The following SNTG1 variants were observed in gnomAD, a reference collection of about 807,000 sequenced individuals.
SNTG1 encodes the protein gamma-1-syntrophin.
In SNTG1, 39 loss-of-function variants were observed where a neutral mutation model predicts 74.7. That is an observed-to-expected ratio of 0.52 (90% confidence interval 0.40 to 0.68). SNTG1 has a LOEUF of 0.68. SNTG1 is among the 30% of genes least tolerant of loss of function. SNTG1 has a pLI of 0.00. For synonymous variants in SNTG1, 254 were observed against 217.1 expected, an observed-to-expected ratio of 1.17 and a Z score of -1.49; for missense variants, 685 against 609.5, an observed-to-expected ratio of 1.12 and a Z score of -1.30.
At chr8:50,691,105 A>T (rs534151793) in intron 15 of SNTG1, among the ~76,000 whole-genome samples, 1 of 152,046 alleles carries the variant, frequency 6.6e-6, no homozygotes, top group Non-Finnish European at 1.5e-5. Context: ...TGCTTGGTAG[A>T]TCTCCCTCCA....
Position 50,792,899 on chromosome 8 carries a change from C to G in SNTG1, c.*70C>G, listed in dbSNP as rs2095695419. 2 of 1,438,494 alleles carry G rather than the reference C, an allele frequency of 1.4e-6. No individual in the cohort carries two copies. Among genetic ancestry groups the G allele is most frequent in the Non-Finnish European group, 9.2e-7 (1 of 1,085,298 alleles). The allele number at this position is 1,438,494 out of a possible 1,614,324, so 89.1% of individuals were successfully genotyped here. ...GACACATTTACTCATCATTTTAGAC[C>G]CTAGAGAAACCATAACATCACCAAG... On this transcript the variant is annotated 3_prime_UTR_variant, in exon 19 of 19. Coordinates refer to ENST00000642720, the MANE Select transcript of SNTG1 (RefSeq NM_018967.5).
intron 2 of SNTG1, among the ~76,000 whole-genome samples, chr8:50,284,807 A>G (rs1338729961): frequency 6.6e-6 from 1 of 152,154 alleles, no homozygotes. Flanking sequence ...ATACTTATTT[A>G]TATCTATCTA....
chr8:50,710,825 A>G (rs1168846117), intron 17 of SNTG1, among the ~76,000 whole-genome samples: 1 of 152,188 alleles, frequency 6.6e-6, no homozygotes, highest in African/African-American at 2.4e-5. Flanking sequence ...TTAGTAGGAA[A>G]TGAGAATTTA....
chr8:50,142,820 C>T (rs1350925395), intron 1 of SNTG1, among the ~76,000 whole-genome samples: 2 of 152,048 alleles, frequency 1.3e-5, no homozygotes, highest in Non-Finnish European at 2.9e-5. Flanking sequence ...ACCTGTAATC[C>T]CAACACTTTG....
intron 2 of SNTG1, among the ~76,000 whole-genome samples, chr8:50,350,381 C>A (rs1429332489): frequency 2.6e-5 from 4 of 152,180 alleles, no homozygotes; most frequent in Non-Finnish European, 5.9e-5. Context: ...CAGCTGGGCT[C>A]CTGAGTCTGG....
intron 4 of SNTG1, among the ~76,000 whole-genome samples, chr8:50,422,499 G>A (rs1023955088): frequency 1.3e-5 from 2 of 152,126 alleles, no homozygotes; most frequent in African/African-American, 4.8e-5. Context: ...CAGTATTGCA[G>A]TAAATAAAGA....
chr8:50,501,002 C>T (rs976730070), intron 8 of SNTG1, among the ~76,000 whole-genome samples: 2 of 152,186 alleles, frequency 1.3e-5, no homozygotes, highest in Middle Eastern at 3.4e-3. Flanking sequence ...TCACTGGGCA[C>T]GTATGAGGAG....
chr8:49,940,192 G>A (rs1031318161), intron 1 of SNTG1, among the ~76,000 whole-genome samples: 1 of 152,080 alleles, frequency 6.6e-6, no homozygotes, highest in Non-Finnish European at 1.5e-5. Context: ...GAAAGACCTG[G>A]GAAACTGCAC....
At chr8:50,574,173 A>G (rs1168990744) in intron 12 of SNTG1, among the ~76,000 whole-genome samples, 1 of 152,088 alleles carries the variant, frequency 6.6e-6, no homozygotes, top group African/African-American at 2.4e-5. Flanking sequence ...AAAAACTAAA[A>G]AAGACTGCAG....
At chr8:50,666,746 A>G (rs1252156540) in intron 15 of SNTG1, among the ~76,000 whole-genome samples, 1 of 152,106 alleles carries the variant, frequency 6.6e-6, no homozygotes, top group Admixed American at 6.6e-5. Context: ...ACTGTGCTCA[A>G]ATTAAGAATA....
rs550862258 is a variant in SNTG1, at chr8:50,658,034, GA to G, written c.967-553del. 6.1e-4 allele frequency among the ~76,000 whole-genome samples: 93 copies of G among 152,088 alleles called. 2 individuals carry two copies. In the South Asian group the frequency reaches 0.019, roughly 31 times the overall value. Reference sequence around the variant, plus strand: ...AGTTTAAAGCACTAGGAAGACAGAGGAAAAATTGATATTTATATATTTTACT... The same window carrying G: ...AGTTTAAAGCACTAGGAAGACAGAGGAAAATTGATATTTATATATTTTACT... On this transcript the variant is annotated intron_variant, in intron 14 of 18. Coordinates refer to ENST00000642720, the MANE Select transcript of SNTG1 (RefSeq NM_018967.5).
intron 17 of SNTG1, among the ~76,000 whole-genome samples, chr8:50,746,740 G>T (rs1018641931): frequency 6.6e-6 from 1 of 150,788 alleles, no homozygotes; most frequent in African/African-American, 2.4e-5. Flanking sequence ...GGCAAACTGG[G>T]TGTGGAGTGG....
intron 1 of SNTG1, among the ~76,000 whole-genome samples, chr8:50,125,445 T>A (rs189522718): frequency 7.0e-6 from 1 of 142,654 alleles, no homozygotes; most frequent in East Asian, 2.0e-4. Context: ...TAAATAGACA[T>A]TAGGTTTTCT....
At chr8:50,758,301 T>A (rs531158639) in intron 18 of SNTG1, among the ~76,000 whole-genome samples, 3 of 152,058 alleles carry the variant, frequency 2.0e-5, no homozygotes, top group Non-Finnish European at 4.4e-5. Flanking sequence ...CCGTGTATTA[T>A]GATTTGCAAT....
chr8:50,158,656 T>C (rs541486713), intron 1 of SNTG1, among the ~76,000 whole-genome samples: 1 of 152,336 alleles, frequency 6.6e-6, no homozygotes, highest in Non-Finnish European at 1.5e-5. Context: ...ATTGTTTTTT[T>C]CTGTTGTAAT....
intron 2 of SNTG1, among the ~76,000 whole-genome samples, chr8:50,393,770 T>TA (rs1187657777): frequency 6.6e-6 from 1 of 152,218 alleles, no homozygotes; most frequent in Non-Finnish European, 1.5e-5. Flanking sequence ...TGTAGCTTTT[T>TA]AATTAAAAAG....
At chr8:50,686,899 G>A (rs1313790712) in intron 15 of SNTG1, among the ~76,000 whole-genome samples, 3 of 151,826 alleles carry the variant, frequency 2.0e-5, no homozygotes, top group East Asian at 1.9e-4. Flanking sequence ...ACTTTGGGAG[G>A]CCGAGGCGGG....
intron 2 of SNTG1, among the ~76,000 whole-genome samples, chr8:50,254,840 G>A (rs1368976740): frequency 1.6e-5 from 2 of 121,656 alleles, no homozygotes; most frequent in Non-Finnish European, 3.4e-5. Context: ...GCGACAGAGC[G>A]AGACTCCTCA....
chr8:50,381,843 T>C (rs2092493318), intron 2 of SNTG1: 1 of 141,712 alleles, frequency 7.1e-6, no homozygotes, highest in Non-Finnish European at 1.5e-5. Flanking sequence ...ATATTATATA[T>C]ATATATATAT....
Sources: allele counts gnomAD v4.1 joint callset (sites outside exome capture counted in the v4.1 genomes callset), GRCh38; gene constraint gnomAD v4.1.1; transcripts MANE v1.5; gene names NCBI Gene and HGNC (gene_info 2026-07-23, HGNC 2026-07-21).